The following LRP8 variants were observed in gnomAD, a reference collection of about 807,000 sequenced individuals.
LRP8 encodes LDL receptor related protein 8, also known as low-density lipoprotein receptor-related protein 8.
A neutral mutation model predicts 111.6 loss-of-function variants in LRP8; 46 were observed. That is an observed-to-expected ratio of 0.41 (90% CI 0.33 to 0.53). The LOEUF (loss-of-function observed/expected upper bound fraction) is 0.53. Among genes scored for constraint, LRP8 ranks in the 20% least tolerant of loss-of-function variants. The pLI is 0.20. For missense variants in LRP8, 959 were observed against 1,297.4 expected (o/e 0.74, Z 4.01); for synonymous variants, 464 against 511.2 (o/e 0.91, Z 1.24).
At chr1:53,311,770 C>T (rs1005588768) in intron 2 of LRP8, among the ~76,000 whole-genome samples, 27 of 152,212 alleles carry the variant, frequency 1.8e-4, no homozygotes, top group African/African-American at 5.1e-4. Context: ...AACCACCACA[C>T]GCCACGGCCA....
chr1:53,247,078 T>C, intron 18 of LRP8, 22 bp from the exon 19 acceptor site: 1 of 1,577,656 alleles, frequency 6.3e-7, no homozygotes, highest in Non-Finnish European at 8.6e-7. Flanking sequence ...AACCAAAGAA[T>C]TCATCATTAG....
intron 16 of LRP8, among the ~76,000 whole-genome samples, chr1:53,253,539 C>T (rs1645968252): frequency 6.6e-6 from 1 of 152,192 alleles, no homozygotes; most frequent in South Asian, 2.1e-4. Flanking sequence ...TAATACTCAT[C>T]TTTCACTCCT....
Position 53,246,999 on chromosome 1 carries a change from G to C in LRP8, c.*19C>G. Reference sequence around the variant, plus strand: ...CATGGGACTGAATTCCATGAGGCACGAAGGGGGTGATCCCATCCTCAGGGT... The same window carrying C: ...CATGGGACTGAATTCCATGAGGCACCAAGGGGGTGATCCCATCCTCAGGGT... On this transcript the variant is annotated 3_prime_UTR_variant, in exon 19 of 19. Coordinates refer to ENST00000306052, the MANE Select transcript of LRP8 (RefSeq NM_004631.5). 6.2e-7 allele frequency: 1 copy of C among 1,604,356 alleles called. No homozygotes were observed. The highest frequency in any genetic ancestry group is 8.5e-7 in the Non-Finnish European group (1 of 1,175,708).
At chr1:53,272,139 C>T (rs1351419216) in intron 6 of LRP8, among the ~76,000 whole-genome samples, 1 of 152,056 alleles carries the variant, frequency 6.6e-6, no homozygotes. Flanking sequence ...CAATTCTCTC[C>T]TATCATGAAC....
At chr1:53,324,118 G>A (rs920852132) in intron 2 of LRP8, among the ~76,000 whole-genome samples, 1 of 152,198 alleles carries the variant, frequency 6.6e-6, no homozygotes, top group African/African-American at 2.4e-5. Flanking sequence ...CAAAGAGGGT[G>A]GTCAGGGGTA....
Position 53,293,850 on chromosome 1 carries a change from C to T in LRP8, c.245-4161G>A, listed in dbSNP as rs937938267. ...AGACTGACTCCTGGCATAGCCACCT[C>T]GGGGTGAACCTGGGCAAGTGGGGAT... is the stretch of plus-strand genomic sequence containing the variant. On this transcript the variant is annotated intron_variant, in intron 2 of 18. Transcript: ENST00000306052. The surrounding 1 kb of genome is among the most constrained non-coding windows in gnomAD (Gnocchi z 4.9). Among the ~76,000 whole-genome samples, 1 of 152,210 alleles carries T rather than the reference C, an allele frequency of 6.6e-6. No homozygotes were observed.
At chr1:53,282,551 G>C (rs1201386663) in intron 3 of LRP8, among the ~76,000 whole-genome samples, 1 of 152,020 alleles carries the variant, frequency 6.6e-6, no homozygotes, top group Non-Finnish European at 1.5e-5. Flanking sequence ...TCCCCTCTGG[G>C]CCCCACTGGA....
In LRP8 at chr1:53,293,465, G is replaced by A. The variant is rs1379855355; in HGVS notation, c.245-3776C>T. ...CCTCACAGCTATCTTGGTAGCTGTT[G>A]TTATTAATCCCATTGTACAGAAGAG... On this transcript the variant is annotated intron_variant, in intron 2 of 18. Coordinates refer to ENST00000306052, the MANE Select transcript of LRP8 (RefSeq NM_004631.5). The surrounding 1 kb of genome is among the most constrained non-coding windows in gnomAD (Gnocchi z 4.9). Among the ~76,000 whole-genome samples, 1 of 152,234 alleles carries A rather than the reference G, an allele frequency of 6.6e-6. No homozygotes were observed. Among genetic ancestry groups the A allele is most frequent in the African/African-American group, 2.4e-5 (1 of 41,456 alleles).
chr1:53,258,347 C>T lies in LRP8; in HGVS notation c.2181G>A (p.Leu727=), dbSNP rs369502658. 3 of 1,614,094 alleles carry T rather than the reference C, an allele frequency of 1.9e-6. No individual in the cohort carries two copies. Among genetic ancestry groups the T allele is most frequent in the Non-Finnish European group, 2.5e-6 (3 of 1,179,988 alleles). ...YTCACPDTMW[L]GPDMKRCYRA... The stretch of plus-strand genomic sequence containing the variant: ...GGTAGCACCTCTTCATGTCTGGACC[C>T]AGCCACATTGTGTCAGGACAGGCAC... The change falls in exon 14 of 19, where the codon CTG becomes CTA. Residue 727 remains leucine, a synonymous_variant. Transcript: ENST00000306052.
intron 13 of LRP8, 120 bp from the exon 14 acceptor site, chr1:53,258,591 T>C (rs1243613850): frequency 1.6e-5 from 14 of 882,630 alleles, no homozygotes; most frequent in Non-Finnish European, 2.4e-5. Flanking sequence ...ACTTTTTTTT[T>C]CACATTTTTT....
Position 53,275,597 on chromosome 1 carries a change from C to T in LRP8, c.1006+34G>A, listed in dbSNP as rs1489660143. 6.2e-7 allele frequency: 1 copy of T among 1,611,392 alleles called. No individual in the cohort carries two copies. On this transcript the variant is annotated intron_variant, in intron 6 of 18. Transcript: ENST00000306052. This position sits in a 1 kb window ranked among gnomAD's most constrained non-coding sequence, Gnocchi z 4.4. ...GTTACCAGAGCCTAGGGCATCCTCA[C>T]AGAGGATGTGTTCTGTGCCCTGACC...
chr1:53,322,364 G>A (rs1654622194), intron 2 of LRP8, among the ~76,000 whole-genome samples: 1 of 152,210 alleles, frequency 6.6e-6, no homozygotes, highest in African/African-American at 2.4e-5. Context: ...AGGCTTCCTA[G>A]AGGAGGTGAC....
intron 15 of LRP8, 125 bp downstream of exon 15, chr1:53,257,115 G>A: frequency 5.9e-6 from 5 of 853,288 alleles, no homozygotes. Context: ...TCTCAGATAT[G>A]CAGTAACCTC....
At chr1:53,281,398 C>A (rs1026090207) in intron 3 of LRP8, among the ~76,000 whole-genome samples, 5 of 152,260 alleles carry the variant, frequency 3.3e-5, no homozygotes, top group African/African-American at 1.2e-4. Flanking sequence ...CTATTCAAGG[C>A]TGGGGACAGC....
At chr1:53,258,843 G>A (rs1162434603) in intron 13 of LRP8, among the ~76,000 whole-genome samples, 1 of 151,602 alleles carries the variant, frequency 6.6e-6, no homozygotes, top group African/African-American at 2.4e-5. Context: ...GCTATACTCT[G>A]TATGCCCCTG....
chr1:53,316,870 G>A (rs1011918390), intron 2 of LRP8, among the ~76,000 whole-genome samples: 24 of 152,334 alleles, frequency 1.6e-4, no homozygotes, highest in African/African-American at 5.8e-4. Context: ...GGGCAGGCCA[G>A]GAAGAGAGAC....
At chr1:53,256,906 G>A (rs759590918) in intron 15 of LRP8, among the ~76,000 whole-genome samples, 1 of 152,230 alleles carries the variant, frequency 6.6e-6, no homozygotes, top group Non-Finnish European at 1.5e-5. Context: ...AGCAACGGCT[G>A]TGTGCGTGAG....
chr1:53,255,403 G>A (rs1346415173), intron 15 of LRP8, among the ~76,000 whole-genome samples: 5 of 152,174 alleles, frequency 3.3e-5, no homozygotes, highest in African/African-American at 1.2e-4. Context: ...AGGAAACTGA[G>A]TCTTAACTGA....
At position 53,266,565 on chromosome 1, in the gene LRP8, G is replaced by A. The variant is rs1371731284; in HGVS notation, c.1335C>T (p.Leu445=). ...CCACGACATTCTTGAGCATGGGGAT[G>A]AGGCGTGAATAGTTCCGCTTCACCA... is the stretch of plus-strand genomic sequence containing the variant. ...IDLVKRNYSR[L]IPMLKNVVAL... The change falls in exon 9 of 19, where the codon CTC becomes CTT. Residue 445 remains leucine (L), a synonymous_variant. Coordinates refer to ENST00000306052, the MANE Select transcript of LRP8 (RefSeq NM_004631.5). This position sits in a 1 kb window ranked among gnomAD's most constrained non-coding sequence, Gnocchi z 5.0. 2 of 1,614,204 alleles carry A rather than the reference G, an allele frequency of 1.2e-6. No individual in the cohort carries two copies. Among genetic ancestry groups the A allele is most frequent in the Non-Finnish European group, 1.7e-6 (2 of 1,180,042 alleles).
Sources: gnomAD v4.1 joint callset for allele counts (sites outside exome capture counted in the v4.1 genomes callset) on GRCh38, gnomAD v4.1.1 for gene constraint, Gnocchi (gnomAD v3.1) non-coding constraint, MANE v1.5 for transcripts, NCBI Gene and HGNC (gene_info 2026-07-23, HGNC 2026-07-21) for gene names.